BRINP1: variants seen among roughly 807,000 people sequenced by gnomAD.
BRINP1 encodes BMP/retinoic acid-inducible neural-specific protein 1.
BRINP1 carries 17 observed loss-of-function variants against 72.9 expected under a neutral mutation model. That is an observed-to-expected ratio of 0.23 (90% CI 0.16 to 0.35). The LOEUF is 0.35. Ranked by LOEUF, BRINP1 falls within the 10% of genes least tolerant of loss-of-function variation. BRINP1 has a pLI of 1.00. For synonymous variants in BRINP1, 418 were observed against 378.5 expected (o/e 1.10, Z -1.21); for missense variants, 850 against 1,001.6 (o/e 0.85, Z 2.04).
intron 1 of BRINP1, among the ~76,000 whole-genome samples, chr9:119,313,881 C>T (rs1043879944): frequency 6.6e-6 from 1 of 152,210 alleles, no homozygotes; most frequent in East Asian, 1.9e-4. Context: ...CACTAACAAC[C>T]TGCCTCTCAT....
At chr9:119,168,387 A>ATTGTAGCTCCTCCTAATGCCACAAAC (rs1389406438) in intron 7 of BRINP1, among the ~76,000 whole-genome samples, 163 bp from the exon 8 acceptor site, 14 of 152,352 alleles carry the variant, frequency 9.2e-5, no homozygotes, top group African/African-American at 3.4e-4. Flanking sequence ...TAAGAACTAC[A>ATTGTAGCTCCTCCTAATGCCACAAAC]TTGTAGCTCC....
intron 2 of BRINP1, among the ~76,000 whole-genome samples, chr9:119,292,627 G>A (rs1830832568): frequency 6.6e-6 from 1 of 152,184 alleles, no homozygotes; most frequent in Non-Finnish European, 1.5e-5. Flanking sequence ...CCAATGCAGA[G>A]ACTATGAAAG....
chr9:119,224,780 T>G (rs1830073893), intron 5 of BRINP1, among the ~76,000 whole-genome samples: 1 of 152,074 alleles, frequency 6.6e-6, no homozygotes, highest in Admixed American at 6.6e-5. Context: ...AAATGTGTCA[T>G]GTACCATGTC....
In BRINP1 at chr9:119,167,167, T is replaced by A. The variant is rs1007880120; in HGVS notation, c.2203A>T (p.Ile735Phe). 2 of 1,614,142 alleles carry A rather than the reference T, an allele frequency of 1.2e-6. No homozygotes were observed. Among genetic ancestry groups the A allele is most frequent in the Middle Eastern group, 1.6e-4 (1 of 6,062 alleles). ...KHRLKLTNSE[I>F]IRVNHALDLY... ...TCCAAGGCGTGGTTCACCCTGATGA[T>A]CTCGCTGTTGGTCAGTTTCAGGCGG... The change falls in exon 8 of 8, where the codon ATC becomes TTC. Residue 735 changes from isoleucine (I) to phenylalanine (F), a missense_variant. By Grantham distance (21) the Ile-to-Phe change is conservative. Transcript: ENST00000265922. The surrounding 1 kb of genome is among the most constrained non-coding windows in gnomAD (Gnocchi z 4.3).
intron 2 of BRINP1, among the ~76,000 whole-genome samples, chr9:119,267,455 T>C (rs1830558529): frequency 6.6e-6 from 1 of 151,642 alleles, no homozygotes; most frequent in South Asian, 2.1e-4. Flanking sequence ...GCCAACATGG[T>C]GAAACCCCAT....
chr9:119,338,791 A>G (rs914113677), intron 1 of BRINP1, among the ~76,000 whole-genome samples: 2 of 151,718 alleles, frequency 1.3e-5, no homozygotes, highest in Admixed American at 6.6e-5. Context: ...AGGCTGAGGC[A>G]AGAGAATGGT....
At chr9:119,214,587 TAAA>T (rs57097317) in intron 5 of BRINP1, among the ~76,000 whole-genome samples, 6 of 144,042 alleles carry the variant, frequency 4.2e-5, no homozygotes, top group Admixed American at 6.9e-5. Context: ...CCTGTAGAGA[TAAA>T]AAAAAAAAAA....
intron 2 of BRINP1, among the ~76,000 whole-genome samples, chr9:119,269,171 C>A (rs1321122881): frequency 6.6e-6 from 1 of 152,096 alleles, no homozygotes; most frequent in Non-Finnish European, 1.5e-5. Flanking sequence ...AATCATTATC[C>A]CTCCCTCCTT....
At chr9:119,269,327 C>A (rs541243810) in intron 2 of BRINP1, among the ~76,000 whole-genome samples, 1 of 152,290 alleles carries the variant, frequency 6.6e-6, no homozygotes, top group African/African-American at 2.4e-5. Context: ...TTTCTAGATT[C>A]CTTGTAAATG....
chr9:119,365,561 A>G (rs1157532696), intron 1 of BRINP1, among the ~76,000 whole-genome samples: 1 of 152,232 alleles, frequency 6.6e-6, no homozygotes, highest in Non-Finnish European at 1.5e-5. Context: ...GACAGGTTGC[A>G]AATCAAAAAA....
chr9:119,362,809 G>C (rs2119045286), intron 1 of BRINP1, among the ~76,000 whole-genome samples: 1 of 152,250 alleles, frequency 6.6e-6, no homozygotes, highest in African/African-American at 2.4e-5. Context: ...AGAAATTACT[G>C]ATTAAAAATG....
chr9:119,219,619 C>T (rs1239828789), intron 5 of BRINP1, among the ~76,000 whole-genome samples: 5 of 147,388 alleles, frequency 3.4e-5, no homozygotes, highest in Non-Finnish European at 7.4e-5. Flanking sequence ...CAGACAACTC[C>T]CTCTTGTTGT....
chr9:119,176,955 G>T (rs1323704899), intron 7 of BRINP1, among the ~76,000 whole-genome samples: 1 of 151,966 alleles, frequency 6.6e-6, no homozygotes, highest in Admixed American at 6.6e-5. Context: ...CGGACCTGGC[G>T]ATAAAACCTC....
intron 2 of BRINP1, 130 bp downstream of exon 2, chr9:119,313,008 C>T: frequency 9.8e-7 from 1 of 1,025,400 alleles, no homozygotes; most frequent in Non-Finnish European, 1.4e-6. Context: ...TAATCAAAAA[C>T]AGCTTGTGGA....
At chr9:119,330,820 G>A (rs906899821) in intron 1 of BRINP1, among the ~76,000 whole-genome samples, 1 of 152,048 alleles carries the variant, frequency 6.6e-6, no homozygotes, top group African/African-American at 2.4e-5. Context: ...GACTTCAGGA[G>A]TTCAAGACCA....
chr9:119,256,612 G>T (rs753820168), intron 2 of BRINP1, among the ~76,000 whole-genome samples: 6 of 152,158 alleles, frequency 3.9e-5, no homozygotes, highest in Non-Finnish European at 8.8e-5. Context: ...AGCTGCTGTT[G>T]GCATTAGCAT....
At chr9:119,204,696 T>C (rs538211255) in intron 7 of BRINP1, among the ~76,000 whole-genome samples, 57 of 152,356 alleles carry the variant, frequency 3.7e-4, no homozygotes, top group Admixed American at 1.0e-3. Flanking sequence ...TTTAACTGAT[T>C]CAGGCACTTT....
At position 119,214,066 on chromosome 9, in the gene BRINP1, G is replaced by A; in HGVS notation, c.775C>T (p.Leu259=). ...YIMCNGEGEY[L]CQNSQCRCQC... is the part of the protein sequence containing the mutation. ...CAGCGACACTGGCTGTTCTGGCACAGGTACTCCCCCTCCCCATTGCACATG... is the reference window on the plus strand; with the variant it reads ...CAGCGACACTGGCTGTTCTGGCACAAGTACTCCCCCTCCCCATTGCACATG... The change falls in exon 6 of 8, where the codon CTG becomes TTG. Residue 259 remains leucine (L), a synonymous_variant. Coordinates refer to ENST00000265922, the MANE Select transcript of BRINP1 (RefSeq NM_014618.3). The A allele has an allele frequency of 6.2e-7, 1 of 1,614,160 alleles. No homozygotes were observed.
chr9:119,320,217 G>A (rs1332730098), intron 1 of BRINP1, among the ~76,000 whole-genome samples: 1 of 152,130 alleles, frequency 6.6e-6, no homozygotes, highest in Non-Finnish European at 1.5e-5. Flanking sequence ...TAGCACACCA[G>A]GTGGCAGAGT....
Sources: gnomAD v4.1 joint callset for allele counts (sites outside exome capture counted in the v4.1 genomes callset) on GRCh38, gnomAD v4.1.1 for gene constraint, Gnocchi (gnomAD v3.1) non-coding constraint, MANE v1.5 for transcripts, NCBI Gene and HGNC (gene_info 2026-07-23, HGNC 2026-07-21) for gene names.